Variants in GRIK5 observed in about 807,000 individuals in gnomAD.
GRIK5 encodes the protein glutamate receptor ionotropic, kainate 5.
In GRIK5, 43 loss-of-function variants were observed where a neutral mutation model predicts 97.4. That is an observed-to-expected ratio of 0.44 (90% CI 0.35 to 0.57). The LOEUF is 0.57. Ranked by LOEUF, GRIK5 falls within the 20% of genes least tolerant of loss-of-function variation. GRIK5 has a pLI of 0.01. For missense variants in GRIK5, 1,015 were observed against 1,382.0 expected, an observed-to-expected ratio of 0.73 and a Z score of 4.21; for synonymous variants, 580 against 583.5, an observed-to-expected ratio of 0.99 and a Z score of 0.09.
rs772036723 is a variant in GRIK5, at chr19:42,062,630, G to A, written c.366C>T (p.Pro122=). 1.6e-5 allele frequency: 26 copies of A among 1,613,960 alleles called. No individual in the cohort carries two copies. Among genetic ancestry groups the A allele is most frequent in the Non-Finnish European group, 1.9e-5 (22 of 1,179,996 alleles). ...GGTACTGAAGGCGGGGTGTCTCCTC[G>A]GGACCCACCTTGATGTGGGGGATCT... is the stretch of plus-strand genomic sequence containing the variant. ...EKEIPHIKVG[P]EETPRLQYLR... Residue 122 remains proline, a synonymous_variant, in exon 5 of 20, where the codon CCC becomes CCT. Coordinates refer to ENST00000593562, the MANE Select transcript of GRIK5 (RefSeq NM_002088.5). The surrounding 1 kb of genome is among the most constrained non-coding windows in gnomAD (Gnocchi z 5.3).
At chr19:42,027,933 G>A (rs1001475950) in intron 12 of GRIK5, among the ~76,000 whole-genome samples, 5 of 152,136 alleles carry the variant, frequency 3.3e-5, no homozygotes, top group African/African-American at 9.7e-5. Flanking sequence ...GGGCTCAAGC[G>A]ATTCTCCTAT....
intron 6 of GRIK5, 68 bp downstream of exon 6, chr19:42,059,281 G>A (rs2076227850): frequency 1.0e-5 from 13 of 1,282,870 alleles, no homozygotes; most frequent in Non-Finnish European, 1.5e-5. Flanking sequence ...ATGGGCATTG[G>A]GTGACTTGCT....
rs1334116460 is a variant in GRIK5 at position 42,062,499 on chromosome 19, G to C, written c.497C>G (p.Ala166Gly). ...CAGTTCTCCCTCACACTCAGCCTTG[G>C]CGCAGATGAGGCTGGCCGAGGGGTA... is the stretch of plus-strand genomic sequence containing the variant. ...FNYPSASLIC[A>G]KAECLLRLEE... The change falls in exon 5 of 20, where the codon GCC (alanine) becomes GGC (glycine). Residue 166 changes from alanine to glycine, a missense_variant. Physicochemically the swap from Ala to Gly is moderately conservative, Grantham distance 60 (BLOSUM62 0). Coordinates refer to ENST00000593562, the MANE Select transcript of GRIK5 (RefSeq NM_002088.5). This position sits in a 1 kb window ranked among gnomAD's most constrained non-coding sequence, Gnocchi z 5.3. The C allele has an allele frequency of 6.2e-7, 1 of 1,614,156 alleles. No individual in the cohort carries two copies. Among genetic ancestry groups the C allele is most frequent in the Admixed American group, 1.7e-5 (1 of 60,022 alleles).
chr19:42,023,069 G>C (rs1212166942), intron 12 of GRIK5, among the ~76,000 whole-genome samples: 1 of 152,062 alleles, frequency 6.6e-6, no homozygotes, highest in African/African-American at 2.4e-5. Context: ...CAGGTAGAGA[G>C]AGGTGGCACA....
At chr19:42,044,232 T>C (rs2076015607) in intron 11 of GRIK5, among the ~76,000 whole-genome samples, 7 of 152,214 alleles carry the variant, frequency 4.6e-5, no homozygotes, top group Admixed American at 4.6e-4. Context: ...GCTGAACCTG[T>C]GAGTCAATTA....
At chr19:42,048,213 C>A (rs1275547759) in intron 11 of GRIK5, among the ~76,000 whole-genome samples, 1 of 152,088 alleles carries the variant, frequency 6.6e-6, no homozygotes, top group Admixed American at 6.6e-5. Flanking sequence ...AATTAAAAAT[C>A]AAATCCTTTT....
At chr19:42,041,633 T>C (rs2075978771) in intron 12 of GRIK5, among the ~76,000 whole-genome samples, 1 of 152,130 alleles carries the variant, frequency 6.6e-6, no homozygotes, top group African/African-American at 2.4e-5. Flanking sequence ...CCACCTCCCA[T>C]GGCCCTGCCT....
intron 12 of GRIK5, among the ~76,000 whole-genome samples, chr19:42,027,023 C>G (rs1298894141): frequency 6.6e-6 from 1 of 152,198 alleles, no homozygotes; most frequent in Non-Finnish European, 1.5e-5. Flanking sequence ...CCAACCCCCA[C>G]AGCCTCATCC....
At chr19:42,028,269 TG>T (rs35445622) in intron 12 of GRIK5, among the ~76,000 whole-genome samples, 114,652 of 150,776 alleles carry the variant, frequency 0.76, 43,773 homozygotes, top group East Asian at 0.87. Flanking sequence ...CCTGTAATGA[TG>T]GGGGGGGGGT....
chr19:42,057,901 T>G (rs758303387), intron 6 of GRIK5, among the ~76,000 whole-genome samples: 6 of 152,242 alleles, frequency 3.9e-5, no homozygotes, highest in Non-Finnish European at 7.3e-5. Context: ...CACCCAAGTC[T>G]GTCCCCCCAC....
chr19:42,016,188 G>C (rs1324495189), intron 15 of GRIK5, among the ~76,000 whole-genome samples: 1 of 152,170 alleles, frequency 6.6e-6, no homozygotes, highest in African/African-American at 2.4e-5. Flanking sequence ...GGAAGGCCGA[G>C]GTGGGTGGAT....
chr19:42,065,932 C>T lies in GRIK5; in HGVS notation c.-50-112G>A. On this transcript the variant is annotated intron_variant, in intron 1 of 19. Coordinates refer to ENST00000593562, the MANE Select transcript of GRIK5 (RefSeq NM_002088.5). This position sits in a 1 kb window ranked among gnomAD's most constrained non-coding sequence, Gnocchi z 5.8. ...AAGCCTTGGGGACATTGTTGGCAAG[C>T]AGTTCACAGCTCTGCAGAGCCCTGC... 1 of 629,416 alleles carries T rather than the reference C, an allele frequency of 1.6e-6. No individual in the cohort carries two copies. Among genetic ancestry groups the T allele is most frequent in the East Asian group, 2.8e-5 (1 of 36,282 alleles). The allele number at this position is 629,416 out of a possible 1,614,324, so 39.0% of individuals were successfully genotyped here.
chr19:42,009,562 GT>G (rs2075534898), intron 15 of GRIK5, among the ~76,000 whole-genome samples: 1 of 152,042 alleles, frequency 6.6e-6, no homozygotes, highest in Non-Finnish European at 1.5e-5. Flanking sequence ...GAGTTCAGGA[GT>G]TTGCGACCAG....
At chr19:42,004,839 T>C (rs761020733) in intron 17 of GRIK5, among the ~76,000 whole-genome samples, 1 of 152,106 alleles carries the variant, frequency 6.6e-6, no homozygotes. Flanking sequence ...GTCTCAAAAC[T>C]CTTAGGTTCA....
intron 11 of GRIK5, among the ~76,000 whole-genome samples, chr19:42,048,403 C>T (rs1441187544): frequency 6.6e-6 from 1 of 152,112 alleles, no homozygotes; most frequent in African/African-American, 2.4e-5. Flanking sequence ...GGGCAGATCA[C>T]GAGGTCAGGA....
At position 42,062,848 on chromosome 19, in the gene GRIK5, C is replaced by T; in HGVS notation, c.252G>A (p.Gln84=). 1 of 1,612,524 alleles carries T rather than the reference C, an allele frequency of 6.2e-7. No individual in the cohort carries two copies. The highest frequency in any genetic ancestry group is 8.5e-7 in the Non-Finnish European group (1 of 1,178,556). ...CAGACACAACCCCTTTGGGTAAGATCTGACACACTGCGTGGGAAGGGGAAG... is the reference window on the plus strand; with the variant it reads ...CAGACACAACCCCTTTGGGTAAGATTTGACACACTGCGTGGGAAGGGGAAG... ...SQYETTDTMC[Q]ILPKGVVSVL... is the part of the protein sequence containing the mutation. The change falls in exon 4 of 20, where the codon CAG becomes CAA. Residue 84 remains glutamine (Q), a synonymous_variant. Transcript: ENST00000593562. The surrounding 1 kb of genome is among the most constrained non-coding windows in gnomAD (Gnocchi z 5.3).
Position 42,006,594 on chromosome 19 carries a change from T to A in GRIK5, c.2037+51A>T. ...CTGCCCAGACCCATCCTGAGCTGCTTTGCATGGCAGGGATCCCAACACCAC... is the reference window on the plus strand; with the variant it reads ...CTGCCCAGACCCATCCTGAGCTGCTATGCATGGCAGGGATCCCAACACCAC... On this transcript the variant is annotated intron_variant, in intron 16 of 19. Transcript: ENST00000593562. The surrounding 1 kb of genome is among the most constrained non-coding windows in gnomAD (Gnocchi z 5.3). 1 of 1,549,182 alleles carries A rather than the reference T, an allele frequency of 6.5e-7. No homozygotes were observed. The highest frequency in any genetic ancestry group is 1.1e-5 in the South Asian group (1 of 89,272).
chr19:42,050,557 C>G, intron 11 of GRIK5, among the ~76,000 whole-genome samples: 1 of 150,566 alleles, frequency 6.6e-6, no homozygotes, highest in East Asian at 2.0e-4. Flanking sequence ...ACTCGGGACA[C>G]TGAGGCAGAA....
chr19:41,998,862 C>CG lies in GRIK5; in HGVS notation c.*8dup, dbSNP rs1399131276. On this transcript the variant is annotated 3_prime_UTR_variant, in exon 20 of 20. Transcript: ENST00000593562. The stretch of plus-strand genomic sequence containing the variant: ...GTCAGTCCGGGCGCCCGCACAGCCC[C>CG]GCCCGTGGTCACTCGTGCTCCGCCA... 1 of 1,116,044 alleles carries CG rather than the reference C, an allele frequency of 9.0e-7. No homozygotes were observed. Among genetic ancestry groups the CG allele is most frequent in the African/African-American group, 1.7e-5 (1 of 60,294 alleles). 69.1% of individuals were successfully genotyped at this position (1,116,044 alleles called of 1,614,324 possible). A position where few individuals can be genotyped will look rare whatever the true frequency, so the allele number is the denominator to read the frequency against.
Sources: gnomAD v4.1 joint callset for allele counts (sites outside exome capture counted in the v4.1 genomes callset) on GRCh38, gnomAD v4.1.1 for gene constraint, Gnocchi (gnomAD v3.1) non-coding constraint, MANE v1.5 for transcripts, NCBI Gene and HGNC (gene_info 2026-07-23, HGNC 2026-07-21) for gene names.